The following RASGRF1 variants were observed in gnomAD, a reference collection of about 807,000 sequenced individuals.
The protein encoded by RASGRF1 is Ras protein specific guanine nucleotide releasing factor 1.
In RASGRF1, 40 loss-of-function variants were observed where a neutral mutation model predicts 138.7. The observed-to-expected ratio is 0.29, with a 90% confidence interval of 0.22 to 0.38. RASGRF1 has a LOEUF of 0.38. RASGRF1 is among the 10% of genes least tolerant of loss of function. The pLI, the probability that RASGRF1 is intolerant of heterozygous loss-of-function variation, is 1.00. For missense variants in RASGRF1, 1,108 were observed against 1,650.4 expected (o/e 0.67, Z 5.69); for synonymous variants, 614 against 663.2 (o/e 0.93, Z 1.14).
chr15:79,064,729 C>A, intron 1 of RASGRF1: 1 of 579,980 alleles, frequency 1.7e-6, no homozygotes. Flanking sequence ...GTAACAGAGC[C>A]TATGCTTAGG....
rs2057156260 is a variant in RASGRF1, at chr15:79,032,517, A to G, written c.959-201T>C. Among the ~76,000 whole-genome samples the G allele has an allele frequency of 6.6e-6, 1 of 152,138 alleles. No individual in the cohort carries two copies. The highest frequency in any genetic ancestry group is 1.5e-5 in the Non-Finnish European group (1 of 68,024). ...TAGTAGGTGGGCCCCCATCATTGGG[A>G]CCACATTAGAATCACAGACTCTTAG... On this transcript the variant is annotated intron_variant, in intron 6 of 26. Transcript: ENST00000558480. This position sits in a 1 kb window ranked among gnomAD's most constrained non-coding sequence, Gnocchi z 4.5.
At chr15:79,059,227 C>G (rs968336880) in intron 2 of RASGRF1, among the ~76,000 whole-genome samples, 1 of 63,142 alleles carries the variant, frequency 1.6e-5, no homozygotes, top group African/African-American at 1.0e-4. Context: ...CCCTATCCTT[C>G]CCTTCCCTTC....
At chr15:78,993,259 GGTGTGGT>G (rs2056314432) in intron 20 of RASGRF1, among the ~76,000 whole-genome samples, 1 of 80,486 alleles carries the variant, frequency 1.2e-5, no homozygotes, top group Non-Finnish European at 2.8e-5. Context: ...TGGTGTGTGT[GGTGTGGT>G]GTGTGTGGTG....
chr15:79,071,392 C>T (rs1445312582), intron 1 of RASGRF1, among the ~76,000 whole-genome samples: 5 of 149,896 alleles, frequency 3.3e-5, no homozygotes, highest in African/African-American at 1.2e-4. Flanking sequence ...CAGAGTCTCA[C>T]TCTGTTGCCC....
intron 8 of RASGRF1, among the ~76,000 whole-genome samples, chr15:79,029,887 G>A (rs1441276875): frequency 6.6e-6 from 1 of 152,142 alleles, no homozygotes; most frequent in African/African-American, 2.4e-5. Flanking sequence ...AAATACCTTG[G>A]CACCATGTGC....
chr15:78,981,309 G>A (rs568822833), intron 23 of RASGRF1: 2 of 152,266 alleles, frequency 1.3e-5, no homozygotes, highest in African/African-American at 2.4e-5. Flanking sequence ...GCTGGAGTTT[G>A]TCTGACCCAT....
intron 13 of RASGRF1, among the ~76,000 whole-genome samples, chr15:79,009,003 G>A (rs1457515360): frequency 6.6e-6 from 1 of 152,134 alleles, no homozygotes; most frequent in Non-Finnish European, 1.5e-5. Context: ...TAAGGTTAGT[G>A]ATGACACCTC....
At chr15:79,002,515 C>A (rs1473270256) in intron 15 of RASGRF1, among the ~76,000 whole-genome samples, 1 of 152,170 alleles carries the variant, frequency 6.6e-6, no homozygotes, top group African/African-American at 2.4e-5. Context: ...CAGGCACATG[C>A]ACACGCACAC....
Position 79,003,150 on chromosome 15 carries a change from C to T in RASGRF1, c.2449+652G>A, listed in dbSNP as rs548193766. 5.8e-4 allele frequency among the ~76,000 whole-genome samples: 89 copies of T among 152,358 alleles called. 3 individuals carry two copies. The South Asian group carries it at 0.018, about 31-fold the overall frequency. ...GGTCTGCCTGGCGTCCAGCTGTCCC[C>T]GAAACACACAAGGCCTTTTCTTGCT... On this transcript the variant is annotated intron_variant, in intron 15 of 26. Coordinates refer to ENST00000558480, the MANE Select transcript of RASGRF1 (RefSeq NM_001145648.3).
intron 5 of RASGRF1, among the ~76,000 whole-genome samples, chr15:79,040,245 C>T (rs959768765): frequency 6.6e-6 from 1 of 152,084 alleles, no homozygotes; most frequent in Non-Finnish European, 1.5e-5. Context: ...CTCCCCCCTT[C>T]ATCCCTATAT....
intron 1 of RASGRF1, among the ~76,000 whole-genome samples, chr15:79,071,858 C>T (rs57209367): frequency 0.04 from 6,131 of 152,182 alleles, 158 homozygotes; most frequent in Non-Finnish European, 0.061. Context: ...CCTTTCTTGG[C>T]TCCCTCCTCT....
At chr15:79,035,285 C>T in intron 5 of RASGRF1, 75 bp from the exon 6 acceptor site, 4 of 1,227,280 alleles carry the variant, frequency 3.3e-6, no homozygotes, top group Non-Finnish European at 3.5e-6. Context: ...CCCCAAACCT[C>T]CTGCGTGACT....
chr15:79,019,915 C>T, intron 11 of RASGRF1, 126 bp downstream of exon 11: 1 of 1,130,484 alleles, frequency 8.8e-7, no homozygotes, highest in Non-Finnish European at 1.3e-6. Context: ...ATGTGTGGAC[C>T]TCCCCTCCGC....
At chr15:78,995,844 C>T (rs2056380901) in intron 19 of RASGRF1, 44 bp from the exon 20 acceptor site, 1 of 1,601,074 alleles carries the variant, frequency 6.2e-7, no homozygotes, top group East Asian at 2.2e-5. Context: ...CTTCACGTTG[C>T]AGCAGCCCCT....
chr15:79,051,808 C>T (rs931419477), intron 3 of RASGRF1, among the ~76,000 whole-genome samples: 3 of 152,152 alleles, frequency 2.0e-5, no homozygotes, highest in African/African-American at 7.2e-5. Context: ...GGGCAAAGCT[C>T]TGGAGGGTTG....
chr15:79,052,148 C>T (rs1464415883), intron 3 of RASGRF1, among the ~76,000 whole-genome samples: 1 of 152,122 alleles, frequency 6.6e-6, no homozygotes, highest in Admixed American at 6.5e-5. Context: ...TGCCCACCCA[C>T]CACCCTCAGA....
intron 5 of RASGRF1, among the ~76,000 whole-genome samples, chr15:79,044,814 C>T (rs1392698246): frequency 6.6e-6 from 1 of 152,096 alleles, no homozygotes; most frequent in Admixed American, 6.6e-5. Flanking sequence ...CCATTCAGTT[C>T]TTTGAAGATA....
chr15:78,965,121 TAGG>T (rs1399930498), intron 26 of RASGRF1, among the ~76,000 whole-genome samples: 1 of 152,302 alleles, frequency 6.6e-6, no homozygotes, highest in Non-Finnish European at 1.5e-5. Context: ...CATAAATCCC[TAGG>T]AGAAGGATCA....
intron 26 of RASGRF1, among the ~76,000 whole-genome samples, chr15:78,965,128 A>C (rs1360574264): frequency 6.6e-6 from 1 of 152,204 alleles, no homozygotes; most frequent in Non-Finnish European, 1.5e-5. Flanking sequence ...CCCTAGGAGA[A>C]GGATCATGGG....
Sources: gnomAD v4.1 joint callset for allele counts (sites outside exome capture counted in the v4.1 genomes callset) on GRCh38, gnomAD v4.1.1 for gene constraint, Gnocchi (gnomAD v3.1) non-coding constraint, MANE v1.5 for transcripts, NCBI Gene and HGNC (gene_info 2026-07-23, HGNC 2026-07-21) for gene names.